NRXN1: variants seen among roughly 807,000 people sequenced by gnomAD.
The protein encoded by NRXN1 is neurexin-1.
In NRXN1, 39 loss-of-function variants were observed where a neutral mutation model predicts 150.9. The observed-to-expected ratio is 0.26, with a 90% confidence interval of 0.20 to 0.34. NRXN1 has a LOEUF of 0.34. NRXN1 is among the 10% of genes least tolerant of loss of function. NRXN1 has a pLI of 1.00. For missense variants in NRXN1, 1,815 were observed against 1,949.9 expected (o/e 0.93, Z 1.30); for synonymous variants, 924 against 757.0 (o/e 1.22, Z -3.62).
intron 8 of NRXN1, chr2:50,619,501 A>G (rs934174445): frequency 5.1e-5 from 8 of 158,200 alleles, no homozygotes; most frequent in African/African-American, 1.9e-4. Flanking sequence ...AATTCACCAG[A>G]TAACATTTAC....
intron 5 of NRXN1, among the ~76,000 whole-genome samples, chr2:50,915,852 T>C (rs1223121201): frequency 6.6e-6 from 1 of 150,762 alleles, no homozygotes; most frequent in Non-Finnish European, 1.5e-5. Context: ...GCCTCAGTAA[T>C]TGAGTATTTT....
At chr2:50,586,211 A>G (rs1202385602) in intron 8 of NRXN1, among the ~76,000 whole-genome samples, 1 of 152,110 alleles carries the variant, frequency 6.6e-6, no homozygotes, top group African/African-American at 2.4e-5. Flanking sequence ...TTCTTCCTCA[A>G]TATAGCCAAA....
intron 2 of NRXN1, among the ~76,000 whole-genome samples, chr2:51,025,214 A>T (rs1166003960): frequency 2.0e-5 from 3 of 152,050 alleles, no homozygotes; most frequent in Non-Finnish European, 4.4e-5. Flanking sequence ...TTTCAAAGTG[A>T]CTCAATGCTT....
intron 5 of NRXN1, among the ~76,000 whole-genome samples, chr2:50,687,871 G>C (rs1049326951): frequency 3.0e-4 from 45 of 152,206 alleles, no homozygotes; most frequent in Admixed American, 2.0e-3. Context: ...AATCTGGTAG[G>C]GAAACACTCA....
chr2:50,823,479 C>A (rs994367232), intron 5 of NRXN1, among the ~76,000 whole-genome samples: 5 of 152,126 alleles, frequency 3.3e-5, no homozygotes, highest in Non-Finnish European at 7.4e-5. Context: ...TCTGGTGAAT[C>A]TTTGTTATTA....
rs760530144 is a variant in NRXN1, at chr2:50,334,209, A to ATATATATATATATATATATGTATG, written c.3365-97240_3365-97239insCATACATATATATATATATATATA. 5.9e-4 allele frequency among the ~76,000 whole-genome samples: 72 copies of ATATATATATATATATATATGTATG among 121,460 alleles called. 3 individuals carry two copies. Among genetic ancestry groups the ATATATATATATATATATATGTATG allele is most frequent in the African/African-American group, 3.0e-3 (68 of 22,874 alleles). 79.7% of individuals were successfully genotyped at this position (121,460 alleles called of 152,430 possible). On this transcript the variant is annotated intron_variant, in intron 17 of 22. Coordinates refer to ENST00000401669, the MANE Select transcript of NRXN1 (RefSeq NM_001330078.2). ...CAGGACCAAATATATATATATATAT[A>ATATATATATATATATATATGTATG]TATGTATGTAGATATTGTTTAACGG...
At chr2:50,261,757 A>C (rs932314965) in intron 17 of NRXN1, among the ~76,000 whole-genome samples, 1 of 151,920 alleles carries the variant, frequency 6.6e-6, no homozygotes, top group South Asian at 2.1e-4. Flanking sequence ...CCATCAGAGC[A>C]GTGTCTACAC....
intron 9 of NRXN1, among the ~76,000 whole-genome samples, chr2:50,547,015 G>T (rs557158432): frequency 4.2e-4 from 64 of 151,974 alleles, no homozygotes; most frequent in Middle Eastern, 3.2e-3. Flanking sequence ...AATCAGTGCT[G>T]GTAATAGATA....
At chr2:50,510,199 T>C (rs1439445257) in intron 12 of NRXN1, among the ~76,000 whole-genome samples, 1 of 152,066 alleles carries the variant, frequency 6.6e-6, no homozygotes, top group Non-Finnish European at 1.5e-5. Context: ...TAAGAAAGTC[T>C]ATAGCTGGCT....
chr2:50,048,008 G>C (rs1011222993), intron 21 of NRXN1, among the ~76,000 whole-genome samples: 13 of 152,008 alleles, frequency 8.6e-5, no homozygotes, highest in African/African-American at 3.1e-4. Flanking sequence ...TTGTCATCTA[G>C]TAAAACCTCC....
chr2:50,003,570 A>G (rs1684285707), intron 21 of NRXN1, among the ~76,000 whole-genome samples: 1 of 152,166 alleles, frequency 6.6e-6, no homozygotes, highest in East Asian at 1.9e-4. Flanking sequence ...CAGTTACTCA[A>G]AACAATTTTC....
intron 5 of NRXN1, among the ~76,000 whole-genome samples, chr2:50,876,799 C>T (rs1018280050): frequency 6.6e-6 from 1 of 151,602 alleles, no homozygotes; most frequent in Admixed American, 6.6e-5. Context: ...TCTTTATGTT[C>T]TTGTAAGAAG....
At chr2:50,351,783 G>A (rs1029725511) in intron 17 of NRXN1, among the ~76,000 whole-genome samples, 2 of 152,148 alleles carry the variant, frequency 1.3e-5, no homozygotes, top group Non-Finnish European at 1.5e-5. Flanking sequence ...ACTTAATTCT[G>A]AGAGATGGTG....
intron 18 of NRXN1, among the ~76,000 whole-genome samples, chr2:50,184,654 T>G (rs867399782): frequency 6.6e-6 from 1 of 152,044 alleles, no homozygotes; most frequent in Non-Finnish European, 1.5e-5. Flanking sequence ...ATTCATGACC[T>G]TGGAAACTCT....
intron 17 of NRXN1, among the ~76,000 whole-genome samples, chr2:50,374,162 T>C (rs979301107): frequency 6.6e-6 from 1 of 151,112 alleles, no homozygotes; most frequent in African/African-American, 2.4e-5. Context: ...CCGGCTGTAG[T>C]GGGGGCACAC....
chr2:50,701,242 T>G (rs1693701534), intron 5 of NRXN1, among the ~76,000 whole-genome samples: 1 of 152,186 alleles, frequency 6.6e-6, no homozygotes, highest in Admixed American at 6.5e-5. Flanking sequence ...CATCTCTGTC[T>G]CTTATCTGTC....
At chr2:50,532,263 C>A (rs1303697343) in intron 10 of NRXN1, among the ~76,000 whole-genome samples, 1 of 151,776 alleles carries the variant, frequency 6.6e-6, no homozygotes, top group Non-Finnish European at 1.5e-5. Flanking sequence ...TTTCTCAGGG[C>A]TTTGATCTGT....
intron 5 of NRXN1, among the ~76,000 whole-genome samples, chr2:50,692,741 G>A (rs995951857): frequency 6.6e-5 from 10 of 151,716 alleles, no homozygotes; most frequent in African/African-American, 2.4e-4. Flanking sequence ...TTCACTCTGT[G>A]GGTACTGCAC....
intron 5 of NRXN1, among the ~76,000 whole-genome samples, chr2:50,879,341 A>T (rs6719841): frequency 0.53 from 80,406 of 151,620 alleles, 23,242 homozygotes; most frequent in Non-Finnish European, 0.67. Flanking sequence ...GCAATCTATA[A>T]ATACTCATAT....
Sources: gnomAD v4.1 joint callset for allele counts (sites outside exome capture counted in the v4.1 genomes callset) on GRCh38, gnomAD v4.1.1 for gene constraint, MANE v1.5 for transcripts, NCBI Gene and HGNC (gene_info 2026-07-23, HGNC 2026-07-21) for gene names.